KCNIP4: variants seen among roughly 807,000 people sequenced by gnomAD.
KCNIP4 encodes the protein Kv channel-interacting protein 4.
Under a neutral mutation model 34.0 loss-of-function variants are expected in KCNIP4, and 12 were observed. The ratio of observed to expected loss-of-function variants is 0.35; its 90% CI spans 0.23 to 0.57. The LOEUF (loss-of-function observed/expected upper bound fraction) is 0.57. KCNIP4 is among the 20% of genes least tolerant of loss of function. The pLI is 0.83. For missense variants in KCNIP4, 238 were observed against 311.7 expected, an observed-to-expected ratio of 0.76 and a Z score of 1.78; for synonymous variants, 124 against 102.2, an observed-to-expected ratio of 1.21 and a Z score of -1.29.
intron 1 of KCNIP4, among the ~76,000 whole-genome samples, chr4:21,426,371 C>T (rs759050245): frequency 2.0e-4 from 31 of 152,130 alleles, no homozygotes; most frequent in Non-Finnish European, 4.1e-4. Flanking sequence ...ATAATTGAAT[C>T]GTATACTTAA....
At chr4:21,125,204 T>TTATTTTATTTTATTTTATTG (rs1396494217) in intron 1 of KCNIP4, among the ~76,000 whole-genome samples, 1 of 143,730 alleles carries the variant, frequency 7.0e-6, no homozygotes, top group Non-Finnish European at 1.5e-5. Context: ...TTATTTTATT[T>TTATTTTATTTTATTTTATTG]TATTTTATTT....
At chr4:21,077,083 A>G (rs1160069573) in intron 1 of KCNIP4, among the ~76,000 whole-genome samples, 3 of 152,076 alleles carry the variant, frequency 2.0e-5, no homozygotes, top group Non-Finnish European at 4.4e-5. Flanking sequence ...GTGAGCTGAA[A>G]TTGTTGCACT....
chr4:20,925,271 A>T (rs954326135), intron 1 of KCNIP4, among the ~76,000 whole-genome samples: 7 of 152,158 alleles, frequency 4.6e-5, no homozygotes, highest in African/African-American at 1.4e-4. Flanking sequence ...CTGGGTAAAA[A>T]TAAGGCTGAA....
chr4:20,888,095 G>T (rs751969674), intron 1 of KCNIP4, among the ~76,000 whole-genome samples: 50 of 151,396 alleles, frequency 3.3e-4, no homozygotes, highest in Non-Finnish European at 6.0e-4. Flanking sequence ...ATATAAGAAG[G>T]TATAGTCAAA....
chr4:21,694,933 A>AAAAAAAT (rs1553921799), intron 1 of KCNIP4, among the ~76,000 whole-genome samples: 12 of 61,518 alleles, frequency 2.0e-4, no homozygotes, highest in African/African-American at 5.1e-4. Context: ...AAAAAAAATA[A>AAAAAAAT]AAATAAATAA....
intron 2 of KCNIP4, among the ~76,000 whole-genome samples, chr4:20,858,603 A>G (rs187795000): frequency 1.9e-4 from 29 of 152,254 alleles, no homozygotes; most frequent in African/African-American, 6.0e-4. Context: ...TGAGGCTTGG[A>G]GAGTCTAAGT....
At chr4:21,454,583 A>G (rs1728769922) in intron 1 of KCNIP4, among the ~76,000 whole-genome samples, 2 of 152,112 alleles carry the variant, frequency 1.3e-5, no homozygotes, top group Admixed American at 6.6e-5. Context: ...AAATAGGGTA[A>G]GTAGATAATC....
In KCNIP4 at chr4:20,766,603, A is replaced by G. The variant is rs12644716; in HGVS notation, c.289-7713T>C. On this transcript the variant is annotated intron_variant, in intron 3 of 8. Transcript: ENST00000382152. ...AAACAAACAAACATAAAGCAACTTT[A>G]GAGACAATTCAATTCAATGTCCTCA... Among the ~76,000 whole-genome samples the G allele has an allele frequency of 2.1e-3, 324 of 152,296 alleles. 7 individuals are homozygous for G. The South Asian group carries it at 0.044, about 21-fold the overall frequency.
chr4:21,170,155 A>G (rs182681055), intron 1 of KCNIP4, among the ~76,000 whole-genome samples: 19 of 151,320 alleles, frequency 1.3e-4, no homozygotes, highest in Admixed American at 1.0e-3. Context: ...TCTGATAGTC[A>G]AACTAGATAG....
chr4:21,177,169 T>C (rs573633484), intron 1 of KCNIP4, among the ~76,000 whole-genome samples: 85 of 152,254 alleles, frequency 5.6e-4, no homozygotes, highest in Non-Finnish European at 9.4e-4. Flanking sequence ...CCCTGCATTG[T>C]GTAGGGATTT....
chr4:21,118,217 C>A (rs1048965523), intron 1 of KCNIP4, among the ~76,000 whole-genome samples: 1 of 152,140 alleles, frequency 6.6e-6, no homozygotes, highest in Non-Finnish European at 1.5e-5. Flanking sequence ...CCAGTCAGAG[C>A]ATCTGTGACA....
At chr4:21,037,692 G>T (rs1741575914) in intron 1 of KCNIP4, among the ~76,000 whole-genome samples, 1 of 152,170 alleles carries the variant, frequency 6.6e-6, no homozygotes, top group Non-Finnish European at 1.5e-5. Context: ...CGCGGTCTTT[G>T]CTAGAAACAA....
intron 1 of KCNIP4, among the ~76,000 whole-genome samples, chr4:21,373,743 T>C (rs989017189): frequency 1.4e-5 from 2 of 147,246 alleles, no homozygotes; most frequent in Non-Finnish European, 2.9e-5. Flanking sequence ...TTCACTCTTG[T>C]TGCTCATGCT....
rs1217122508 is a variant in KCNIP4 at position 20,986,679 on chromosome 4, AT to A, written c.62-103971del. On this transcript the variant is annotated intron_variant, in intron 1 of 8. Coordinates refer to ENST00000382152, the MANE Select transcript of KCNIP4 (RefSeq NM_025221.6). ...CTTTTCCCTTTATTTCTATCAGCAG[AT>A]TTCAGCAAATATTTGCCAATTGATC... Among the ~76,000 whole-genome samples, 4 of 152,292 alleles carry A rather than the reference AT, an allele frequency of 2.6e-5. No homozygotes were observed. The East Asian group carries it at 7.7e-4, about 29-fold the overall frequency.
At chr4:21,714,686 T>C (rs908673324) in intron 1 of KCNIP4, among the ~76,000 whole-genome samples, 47 of 152,126 alleles carry the variant, frequency 3.1e-4, no homozygotes, top group South Asian at 6.2e-4. Flanking sequence ...ACACATTTGC[T>C]CTAAGATAAA....
intron 1 of KCNIP4, among the ~76,000 whole-genome samples, chr4:21,668,364 A>C (rs1749189874): frequency 6.6e-6 from 1 of 152,094 alleles, no homozygotes; most frequent in Admixed American, 6.5e-5. Flanking sequence ...AGAAAAAAAA[A>C]CTGCTGTATT....
At position 21,948,751 on chromosome 4, in the gene KCNIP4, C is replaced by A. The variant is rs918093641; in HGVS notation, c.-120G>T. 3.3e-6 allele frequency: 4 copies of A among 1,204,292 alleles called. No homozygotes were observed. Among genetic ancestry groups the A allele is most frequent in the East Asian group, 7.3e-5 (2 of 27,278 alleles). 74.6% of individuals were successfully genotyped at this position (1,204,292 alleles called of 1,614,324 possible). A position where few individuals can be genotyped will look rare whatever the true frequency, so the allele number is the denominator to read the frequency against. On this transcript the variant is annotated 5_prime_UTR_variant, in exon 1 of 9. Coordinates refer to ENST00000382152, the MANE Select transcript of KCNIP4 (RefSeq NM_025221.6). ...CCGGGGGCGTCCGTGGCGCTGGGAG[C>A]GAGAGCTTCGGCGGCGGCTGCGGGC...
At chr4:21,845,489 T>C (rs1484966114) in intron 1 of KCNIP4, 3 of 152,094 alleles carry the variant, frequency 2.0e-5, no homozygotes, top group African/African-American at 7.2e-5. Context: ...TTTGCTTACC[T>C]CTGTCCTAAA....
intron 1 of KCNIP4, among the ~76,000 whole-genome samples, chr4:21,439,587 G>A (rs1000948767): frequency 2.6e-5 from 4 of 152,182 alleles, no homozygotes; most frequent in Admixed American, 2.6e-4. Flanking sequence ...GCCAATGGGA[G>A]GTAAACAGGA....
Sources: allele counts gnomAD v4.1 joint callset (sites outside exome capture counted in the v4.1 genomes callset), GRCh38; gene constraint gnomAD v4.1.1; transcripts MANE v1.5; gene names NCBI Gene and HGNC (gene_info 2026-07-23, HGNC 2026-07-21).